SAMSN1: variants seen among roughly 807,000 people sequenced by gnomAD.
SAMSN1 encodes the protein SAM domain, SH3 domain and nuclear localization signals 1, also known as SAM domain-containing protein SAMSN-1.
Under a neutral mutation model 42.0 loss-of-function variants are expected in SAMSN1, and 31 were observed. The ratio of observed to expected loss-of-function variants is 0.74; its 90% CI spans 0.55 to 1.00. The LOEUF (loss-of-function observed/expected upper bound fraction) is 1.00, where lower values mean the gene tolerates loss of function less well. Among genes scored for constraint, SAMSN1 ranks in the 50% least tolerant of loss-of-function variants. The probability of loss-of-function intolerance (pLI) is 0.00; values close to 1 mark genes in which losing one functional copy is unlikely to be tolerated. For missense variants in SAMSN1, 464 were observed against 439.4 expected, an observed-to-expected ratio of 1.06 and a Z score of -0.50; for synonymous variants, 178 against 151.9, an observed-to-expected ratio of 1.17 and a Z score of -1.26.
intron 2 of SAMSN1, among the ~76,000 whole-genome samples, chr21:14,567,200 A>C (rs1345843911): frequency 1.3e-5 from 2 of 152,094 alleles, no homozygotes; most frequent in Non-Finnish European, 2.9e-5. Context: ...ACAGAAAGGA[A>C]AATAACAGTA....
intron 2 of SAMSN1, chr21:14,582,035 A>G: frequency 8.5e-7 from 1 of 1,174,090 alleles, no homozygotes; most frequent in East Asian, 2.6e-5. Context: ...ACTTTTCTGA[A>G]ACTGATAAAT....
At chr21:14,536,575 A>T (rs1399161779) in intron 1 of SAMSN1, among the ~76,000 whole-genome samples, 1 of 152,236 alleles carries the variant, frequency 6.6e-6, no homozygotes, top group African/African-American at 2.4e-5. Flanking sequence ...AAAACGGAAA[A>T]GCTAAAATGT....
chr21:14,549,801 T>C (rs1263209250), upstream of SAMSN1, among the ~76,000 whole-genome samples: 3 of 152,272 alleles, frequency 2.0e-5, no homozygotes, highest in East Asian at 1.9e-4. Context: ...TCCTCTCTTC[T>C]TTTTGGCCCC....
At chr21:14,526,687 C>T (rs1600896474) in intron 1 of SAMSN1, among the ~76,000 whole-genome samples, 1 of 152,098 alleles carries the variant, frequency 6.6e-6, no homozygotes, top group Non-Finnish European at 1.5e-5. Context: ...TATACTCTCC[C>T]CTATGCCATT....
chr21:14,518,949 A>C (rs1165399713), intron 2 of SAMSN1, among the ~76,000 whole-genome samples: 1 of 152,100 alleles, frequency 6.6e-6, no homozygotes, highest in Non-Finnish European at 1.5e-5. Context: ...TACTTGTGTT[A>C]CTCTACCATT....
intron 7 of SAMSN1, chr21:14,592,359 A>G (rs1982112043): frequency 6.6e-6 from 1 of 152,668 alleles, no homozygotes; most frequent in Non-Finnish European, 1.5e-5. Context: ...CACAGTAAAA[A>G]AACATTTTTA....
intron 1 of SAMSN1, among the ~76,000 whole-genome samples, chr21:14,527,391 T>C (rs1306901374): frequency 6.6e-6 from 1 of 152,200 alleles, no homozygotes; most frequent in Admixed American, 6.5e-5. Flanking sequence ...AATACACTTC[T>C]GTGGGGTGTC....
chr21:14,590,425 G>A (rs955253498), intron 7 of SAMSN1, among the ~76,000 whole-genome samples: 1 of 151,994 alleles, frequency 6.6e-6, no homozygotes, highest in African/African-American at 2.4e-5. Context: ...CTACAGGCAC[G>A]CACCATCATG....
At chr21:14,512,661 T>A (rs771790435) in intron 3 of SAMSN1, 88 bp from the exon 4 acceptor site, 5 of 1,254,298 alleles carry the variant, frequency 4.0e-6, no homozygotes, top group Non-Finnish European at 5.7e-6. Context: ...GACACATATT[T>A]TAGCAATAAA....
intron 7 of SAMSN1, chr21:14,495,835 A>C (rs569006578): frequency 6.6e-6 from 1 of 152,338 alleles, no homozygotes; most frequent in East Asian, 1.9e-4. Flanking sequence ...CCACTTAGCT[A>C]CTTGGATTTT....
At chr21:14,529,491 T>C (rs1234858862) in intron 1 of SAMSN1, among the ~76,000 whole-genome samples, 1 of 152,202 alleles carries the variant, frequency 6.6e-6, no homozygotes, top group African/African-American at 2.4e-5. Flanking sequence ...TTTGTTGATG[T>C]TTAAAGACCA....
chr21:14,532,711 G>A (rs1156553923), intron 1 of SAMSN1, among the ~76,000 whole-genome samples: 2 of 151,966 alleles, frequency 1.3e-5, no homozygotes, highest in Non-Finnish European at 2.9e-5. Context: ...TATTGGTAAT[G>A]ACTTTTTCAT....
At chr21:14,622,419 G>A (rs1227055654) in intron 2 of SAMSN1, among the ~76,000 whole-genome samples, 1 of 152,232 alleles carries the variant, frequency 6.6e-6, no homozygotes, top group Non-Finnish European at 1.5e-5. Context: ...GTGTAGAGAA[G>A]TCCTTAAATG....
chr21:14,633,889 T>C (rs1983394800), intron 2 of SAMSN1, among the ~76,000 whole-genome samples: 1 of 152,186 alleles, frequency 6.6e-6, no homozygotes, highest in Non-Finnish European at 1.5e-5. Context: ...ACACATATCA[T>C]ATTGTTTGTC....
At chr21:14,553,185 T>C (rs1980656335) in intron 2 of SAMSN1, among the ~76,000 whole-genome samples, 1 of 152,124 alleles carries the variant, frequency 6.6e-6, no homozygotes, top group Admixed American at 6.6e-5. Flanking sequence ...AACTACCTTA[T>C]AATTATTTTG....
intron 1 of SAMSN1, among the ~76,000 whole-genome samples, chr21:14,535,787 C>T (rs1245548726): frequency 2.0e-5 from 3 of 152,158 alleles, no homozygotes; most frequent in Non-Finnish European, 4.4e-5. Flanking sequence ...AGAACAGATC[C>T]TTCCTTGAAA....
At chr21:14,523,255 A>G (rs1027056290) in intron 1 of SAMSN1, 1 of 152,156 alleles carries the variant, frequency 6.6e-6, no homozygotes, top group South Asian at 2.1e-4. Context: ...AAGAACTGAA[A>G]TAAAAAGATC....
intron 2 of SAMSN1, among the ~76,000 whole-genome samples, chr21:14,617,202 A>G (rs921548945): frequency 6.6e-6 from 1 of 152,200 alleles, no homozygotes. Flanking sequence ...GCATGAATTA[A>G]GCCCTAATGT....
At chr21:14,581,906 T>A (rs1193979219) in intron 2 of SAMSN1, among the ~76,000 whole-genome samples, 1 of 152,086 alleles carries the variant, frequency 6.6e-6, no homozygotes, top group Admixed American at 6.6e-5. Flanking sequence ...CAAAAAGAAA[T>A]CCCTGGAAAA....
Sources: gnomAD v4.1 joint callset for allele counts (sites outside exome capture counted in the v4.1 genomes callset) on GRCh38, gnomAD v4.1.1 for gene constraint, MANE v1.5 for transcripts, NCBI Gene and HGNC (gene_info 2026-07-23, HGNC 2026-07-21) for gene names.